The following NRXN3 variants were observed in gnomAD, a reference collection of about 807,000 sequenced individuals.
NRXN3 encodes neurexin III.
In NRXN3, 32 loss-of-function variants were observed where a neutral mutation model predicts 137.6. That is an observed-to-expected ratio of 0.23 (90% CI 0.18 to 0.31). The LOEUF (loss-of-function observed/expected upper bound fraction) is 0.31. Ranked by LOEUF, NRXN3 falls within the 10% of genes least tolerant of loss-of-function variation. The pLI is 1.00. For synonymous variants in NRXN3, 798 were observed against 784.5 expected (o/e 1.02, Z -0.29); for missense variants, 1,574 against 2,062.5 (o/e 0.76, Z 4.59).
chr14:79,184,328 G>A (rs1383473323), intron 15 of NRXN3, among the ~76,000 whole-genome samples: 2 of 152,120 alleles, frequency 1.3e-5, no homozygotes, highest in Admixed American at 1.3e-4. Context: ...CATGCTTATT[G>A]GTGAAAAAGA....
At position 78,329,186 on chromosome 14, in the gene NRXN3, G is replaced by A. The variant is rs148672885; in HGVS notation, c.757+31326G>A. On this transcript the variant is annotated intron_variant, in intron 4 of 20. Coordinates refer to ENST00000335750, the MANE Select transcript of NRXN3 (RefSeq NM_001330195.2). ...TATAGTAATTACAAAGTTCACTTTC[G>A]TGACTCACTTTGCTCTAAATTCTGG... is the stretch of plus-strand genomic sequence containing the variant. Among the ~76,000 whole-genome samples the A allele has an allele frequency of 2.5e-3, 373 of 152,202 alleles. 2 individuals carry two copies. Among genetic ancestry groups the A allele is most frequent in the African/African-American group, 8.6e-3 (357 of 41,534 alleles).
At chr14:78,649,522 T>A (rs2097719001) in intron 5 of NRXN3, among the ~76,000 whole-genome samples, 1 of 151,364 alleles carries the variant, frequency 6.6e-6, no homozygotes, top group East Asian at 1.9e-4. Context: ...GTGGGGAAGG[T>A]TTCCTTTTCT....
chr14:78,367,151 T>C (rs1419457784), intron 4 of NRXN3, among the ~76,000 whole-genome samples: 1 of 151,710 alleles, frequency 6.6e-6, no homozygotes, highest in Admixed American at 6.6e-5. Context: ...CTAACTAGGG[T>C]TTTTCTGCTG....
At chr14:79,121,597 G>T (rs140213890) in intron 15 of NRXN3, among the ~76,000 whole-genome samples, 1 of 152,050 alleles carries the variant, frequency 6.6e-6, no homozygotes, top group African/African-American at 2.4e-5. Flanking sequence ...TGGCACATGG[G>T]TTTATCACTT....
At chr14:79,286,530 A>T (rs2082277124) in intron 15 of NRXN3, among the ~76,000 whole-genome samples, 1 of 130,918 alleles carries the variant, frequency 7.6e-6, no homozygotes, top group Middle Eastern at 3.9e-3. Flanking sequence ...GATGATTGAG[A>T]GAATAATATA....
intron 15 of NRXN3, among the ~76,000 whole-genome samples, chr14:79,198,947 A>G (rs982000845): frequency 6.6e-6 from 1 of 152,236 alleles, no homozygotes; most frequent in African/African-American, 2.4e-5. Flanking sequence ...AAGGCGGATC[A>G]CGAAGTCAGG....
At chr14:79,508,551 G>T (rs192007268) in intron 16 of NRXN3, among the ~76,000 whole-genome samples, 15 of 151,308 alleles carry the variant, frequency 9.9e-5, no homozygotes, top group African/African-American at 3.6e-4. Context: ...TACCACGCCC[G>T]GCTAGTTTTT....
At chr14:78,176,575 G>A (rs2059292512) in intron 1 of NRXN3, among the ~76,000 whole-genome samples, 1 of 152,096 alleles carries the variant, frequency 6.6e-6, no homozygotes, top group Non-Finnish European at 1.5e-5. Context: ...GAGGAAAAAG[G>A]GAGATGAATC....
At chr14:78,308,191 G>T (rs2077569508) in intron 4 of NRXN3, among the ~76,000 whole-genome samples, 1 of 152,124 alleles carries the variant, frequency 6.6e-6, no homozygotes, top group East Asian at 1.9e-4. Flanking sequence ...AAGAGCAATA[G>T]ATGGAGCAGC....
At chr14:78,811,782 A>C (rs1014828677) in intron 10 of NRXN3, among the ~76,000 whole-genome samples, 2 of 152,222 alleles carry the variant, frequency 1.3e-5, no homozygotes, top group African/African-American at 4.8e-5. Flanking sequence ...TAACACAAAA[A>C]GAAGAAATTT....
At chr14:78,924,244 CA>C (rs957529192) in intron 10 of NRXN3, among the ~76,000 whole-genome samples, 1 of 150,006 alleles carries the variant, frequency 6.7e-6, no homozygotes, top group African/African-American at 2.5e-5. Context: ...TCTCAAAAAA[CA>C]AACAAACAAA....
intron 4 of NRXN3, among the ~76,000 whole-genome samples, chr14:78,560,265 T>A (rs1454270264): frequency 5.9e-5 from 9 of 152,208 alleles, no homozygotes; most frequent in African/African-American, 1.4e-4. Context: ...CTTTTGAACA[T>A]ACTGGATTTT....
At chr14:78,903,433 C>T (rs191072828) in intron 10 of NRXN3, among the ~76,000 whole-genome samples, 24 of 152,030 alleles carry the variant, frequency 1.6e-4, no homozygotes, top group Admixed American at 1.3e-3. Flanking sequence ...TGAGCCACTG[C>T]GTCTGACTGA....
chr14:79,109,544 C>G (rs548074772), intron 15 of NRXN3, among the ~76,000 whole-genome samples: 1 of 152,102 alleles, frequency 6.6e-6, no homozygotes, highest in African/African-American at 2.4e-5. Flanking sequence ...AATATTTAAA[C>G]AGATTTTTTC....
chr14:79,812,394 A>C (rs2099237271), intron 20 of NRXN3, among the ~76,000 whole-genome samples: 1 of 152,206 alleles, frequency 6.6e-6, no homozygotes, highest in African/African-American at 2.4e-5. Context: ...TAAGAGGAAT[A>C]AAAGGAAGGG....
At chr14:78,234,605 A>T (rs911433698) in intron 1 of NRXN3, among the ~76,000 whole-genome samples, 3 of 152,150 alleles carry the variant, frequency 2.0e-5, no homozygotes, top group African/African-American at 7.2e-5. Context: ...CCAGTCTTCT[A>T]CTTTGGACCC....
chr14:79,138,006 A>G (rs1279103077), intron 15 of NRXN3, among the ~76,000 whole-genome samples: 1 of 152,220 alleles, frequency 6.6e-6, no homozygotes, highest in Non-Finnish European at 1.5e-5. Context: ...TGTAGAAAGC[A>G]ATAAGATAGC....
intron 16 of NRXN3, among the ~76,000 whole-genome samples, chr14:79,483,860 G>A (rs1055872897): frequency 1.1e-4 from 16 of 152,064 alleles, no homozygotes; most frequent in South Asian, 1.0e-3. Context: ...ACAGCTAACC[G>A]CCAAGGGCCA....
At chr14:79,853,833 C>T in intron 20 of NRXN3, 1 of 982,232 alleles carries the variant, frequency 1.0e-6, no homozygotes, top group South Asian at 4.7e-5. Flanking sequence ...CCGTTAGAGT[C>T]ATAGAATTTT....
Sources: allele counts gnomAD v4.1 joint callset (sites outside exome capture counted in the v4.1 genomes callset), GRCh38; gene constraint gnomAD v4.1.1; transcripts MANE v1.5; gene names NCBI Gene and HGNC (gene_info 2026-07-23, HGNC 2026-07-21).